RPRD1B: variants seen among roughly 807,000 people sequenced by gnomAD.
RPRD1B encodes the protein regulation of nuclear pre-mRNA domain containing 1B.
Under a neutral mutation model 41.5 loss-of-function variants are expected in RPRD1B, and 11 were observed. That is an observed-to-expected ratio of 0.27 (90% CI 0.17 to 0.44). The LOEUF (loss-of-function observed/expected upper bound fraction) is 0.44, where lower values mean the gene tolerates loss of function less well. RPRD1B is among the 20% of genes least tolerant of loss of function. The pLI is 1.00. For missense variants in RPRD1B, 248 were observed against 389.9 expected, an observed-to-expected ratio of 0.64 and a Z score of 3.06; for synonymous variants, 158 against 155.6, an observed-to-expected ratio of 1.02 and a Z score of -0.12.
rs1045820949 is a variant in RPRD1B, at chr20:38,090,541, T to A, written c.*666T>A. On this transcript the variant is annotated 3_prime_UTR_variant, in exon 7 of 7. Coordinates refer to ENST00000373433, the MANE Select transcript of RPRD1B (RefSeq NM_021215.4). ...ATAAAGGCACAGTTCAGAGACAGAA[T>A]AACAGGGATCACAAGCATGAATTAA... 7.1e-6 allele frequency: 7 copies of A among 985,784 alleles called. No homozygotes were observed. Among genetic ancestry groups the A allele is most frequent in the Non-Finnish European group, 8.4e-6 (7 of 829,944 alleles). The allele number at this position is 985,784 out of a possible 1,614,324, so 61.1% of individuals were successfully genotyped here.
intron 1 of RPRD1B, among the ~76,000 whole-genome samples, chr20:38,035,775 T>G (rs1357773314): frequency 6.6e-6 from 1 of 151,972 alleles, no homozygotes; most frequent in East Asian, 1.9e-4. Context: ...TTTGTTTTTT[T>G]TTTTTTGAGA....
intron 4 of RPRD1B, among the ~76,000 whole-genome samples, chr20:38,058,172 G>A (rs1180082479): frequency 6.6e-6 from 1 of 152,134 alleles, no homozygotes; most frequent in African/African-American, 2.4e-5. Context: ...GGCACAAGGT[G>A]ACAGTTTAAG....
At chr20:38,052,134 C>T (rs1284485805) in intron 3 of RPRD1B, among the ~76,000 whole-genome samples, 2 of 152,148 alleles carry the variant, frequency 1.3e-5, no homozygotes. Context: ...TACAATATGG[C>T]TATTAATGGT....
At chr20:38,053,816 A>G (rs1281839797) in intron 3 of RPRD1B, among the ~76,000 whole-genome samples, 1 of 152,220 alleles carries the variant, frequency 6.6e-6, no homozygotes, top group East Asian at 1.9e-4. Flanking sequence ...AATTATTTAC[A>G]TATCATGTGT....
chr20:38,058,077 T>C (rs529012436), intron 4 of RPRD1B, among the ~76,000 whole-genome samples: 4 of 152,160 alleles, frequency 2.6e-5, no homozygotes, highest in African/African-American at 9.7e-5. Context: ...CTATTAAATA[T>C]TGAAACAAGG....
intron 6 of RPRD1B, among the ~76,000 whole-genome samples, chr20:38,078,814 G>A (rs766485751): frequency 2.1e-4 from 32 of 151,366 alleles, no homozygotes; most frequent in African/African-American, 5.3e-4. Flanking sequence ...ATTTTTTTTT[G>A]TTTTCCAATA....
intron 6 of RPRD1B, among the ~76,000 whole-genome samples, chr20:38,068,108 C>G (rs983423192): frequency 2.4e-4 from 37 of 152,196 alleles, no homozygotes; most frequent in Non-Finnish European, 5.9e-5. Flanking sequence ...TAGTGGTTTG[C>G]TGGACGCCAC....
At position 38,033,817 on chromosome 20, in the gene RPRD1B, C is replaced by A; in HGVS notation, c.-131C>A. 1 of 909,126 alleles carries A rather than the reference C, an allele frequency of 1.1e-6. No homozygotes were observed. Among genetic ancestry groups the A allele is most frequent in the Non-Finnish European group, 1.6e-6 (1 of 623,118 alleles). The allele number at this position is 909,126 out of a possible 1,614,324, so 56.3% of individuals were successfully genotyped here. The stretch of plus-strand genomic sequence containing the variant: ...GAGACCCATCCCCTCCCCCTTCTCG[C>A]ACCCCTGGCAGTCTGTCAGTCGGTA... On this transcript the variant is annotated 5_prime_UTR_variant, in exon 1 of 7. Transcript: ENST00000373433.
chr20:38,090,003 A>G lies in RPRD1B; in HGVS notation c.*128A>G. On this transcript the variant is annotated 3_prime_UTR_variant, in exon 7 of 7. Transcript: ENST00000373433. ...CCCAGCCCCCCAGCCTCAAGAAAGA[A>G]CCTCAGACTCTGATTCTCCTCTTCA... 6.9e-7 allele frequency: 1 copy of G among 1,459,446 alleles called. No individual in the cohort carries two copies. The highest frequency in any genetic ancestry group is 9.0e-7 in the Non-Finnish European group (1 of 1,110,114). The allele number at this position is 1,459,446 out of a possible 1,614,324, so 90.4% of individuals were successfully genotyped here.
chr20:38,054,806 G>C (rs2074223186), intron 3 of RPRD1B, among the ~76,000 whole-genome samples: 1 of 152,154 alleles, frequency 6.6e-6, no homozygotes. Flanking sequence ...AAAGCAAACA[G>C]AACAGTATAA....
At chr20:38,086,275 C>T (rs2074560249) in intron 6 of RPRD1B, among the ~76,000 whole-genome samples, 1 of 152,202 alleles carries the variant, frequency 6.6e-6, no homozygotes, top group African/African-American at 2.4e-5. Context: ...ACTATAGCTT[C>T]AGTTTAACCT....
intron 1 of RPRD1B, among the ~76,000 whole-genome samples, chr20:38,038,490 G>GTTT (rs150397040): frequency 0.014 from 1,092 of 76,678 alleles, 86 homozygotes; most frequent in African/African-American, 0.041. Context: ...TTTTTGTTTT[G>GTTT]TTTTTTTTTT....
intron 6 of RPRD1B, among the ~76,000 whole-genome samples, chr20:38,086,917 C>CA (rs1881868765): frequency 6.6e-6 from 1 of 152,108 alleles, no homozygotes; most frequent in Admixed American, 6.5e-5. Flanking sequence ...CCCTTCCAAA[C>CA]AGAAACAACT....
rs181324787 is a variant in RPRD1B, at chr20:38,041,286, A to G, written c.281+722A>G. 2.3e-3 allele frequency among the ~76,000 whole-genome samples: 344 copies of G among 152,386 alleles called. 1 individual carries two copies. The highest frequency in any genetic ancestry group is 3.2e-3 in the Non-Finnish European group (216 of 68,044). ...TGTTTATAAGTAAATATATAAACAG[A>G]TATTTGCAAAAGGAATTGGGAAACA... On this transcript the variant is annotated intron_variant, in intron 2 of 6. Coordinates refer to ENST00000373433, the MANE Select transcript of RPRD1B (RefSeq NM_021215.4).
chr20:38,055,391 A>G lies in RPRD1B; in HGVS notation c.416-2141A>G, dbSNP rs542828446. ...TGTATTTTGTTTGGATCAGCTTCCA[A>G]CATTTTATCTTTTATGCTTTCAGTA... On this transcript the variant is annotated intron_variant, in intron 3 of 6. Coordinates refer to ENST00000373433, the MANE Select transcript of RPRD1B (RefSeq NM_021215.4). 2.0e-5 allele frequency among the ~76,000 whole-genome samples: 3 copies of G among 151,866 alleles called. No individual in the cohort carries two copies. The South Asian group carries it at 6.2e-4, about 32-fold the overall frequency.
intron 6 of RPRD1B, among the ~76,000 whole-genome samples, chr20:38,073,423 C>A (rs961414999): frequency 1.3e-5 from 2 of 152,202 alleles, no homozygotes; most frequent in African/African-American, 4.8e-5. Flanking sequence ...CCTCTGACTT[C>A]AGACAACACA....
At chr20:38,045,186 T>C (rs921870251) in intron 2 of RPRD1B, among the ~76,000 whole-genome samples, 1 of 152,260 alleles carries the variant, frequency 6.6e-6, no homozygotes, top group Non-Finnish European at 1.5e-5. Context: ...AAGTTGTGTA[T>C]GTAATTATTT....
chr20:38,049,997 A>G (rs1055717215), intron 3 of RPRD1B, among the ~76,000 whole-genome samples: 2 of 152,106 alleles, frequency 1.3e-5, no homozygotes, highest in Non-Finnish European at 1.5e-5. Flanking sequence ...ATGTCCTTCT[A>G]CCGCTTTCAC....
At chr20:38,072,577 A>G (rs1392665172) in intron 6 of RPRD1B, among the ~76,000 whole-genome samples, 2 of 152,244 alleles carry the variant, frequency 1.3e-5, no homozygotes, top group Non-Finnish European at 2.9e-5. Flanking sequence ...TAGGGAATGC[A>G]TTGAGTCTGC....
Sources: gnomAD v4.1 joint callset for allele counts (sites outside exome capture counted in the v4.1 genomes callset) on GRCh38, gnomAD v4.1.1 for gene constraint, MANE v1.5 for transcripts, NCBI Gene and HGNC (gene_info 2026-07-23, HGNC 2026-07-21) for gene names.